The following RNF223 variants were observed in gnomAD, a reference collection of about 807,000 sequenced individuals.
The protein encoded by RNF223 is ring finger protein 223.
In RNF223, 10 loss-of-function variants were observed where a neutral mutation model predicts 13.9. The ratio of observed to expected loss-of-function variants is 0.72; its 90% CI spans 0.44 to 1.22. The LOEUF (loss-of-function observed/expected upper bound fraction) is 1.22. RNF223 is among the 50% of genes most tolerant of loss of function. RNF223 has a pLI of 0.00. For missense variants in RNF223, 379 were observed against 380.0 expected, an observed-to-expected ratio of 1.00 and a Z score of 0.02; for synonymous variants, 168 against 173.3, an observed-to-expected ratio of 0.97 and a Z score of 0.24.
chr1:1,073,501 A>G (rs1010106737), intron 1 of RNF223, among the ~76,000 whole-genome samples: 11 of 152,270 alleles, frequency 7.2e-5, no homozygotes, highest in South Asian at 2.1e-4. Context: ...CCCTGACCCA[A>G]TCCCACTTCA....
rs1429172120 is a variant in RNF223 at position 1,072,131 on chromosome 1, G to T, written c.436C>A (p.Pro146Thr). The part of the protein sequence containing the change: ...WLEGTKLCCQ[P>T]LPTTPGREPG... ...TCGCGGCCAGGTGTGGTGGGCAGTG[G>T]CTGGCAGCACAGCTTGGTGCCCTCC... The change falls in exon 2 of 2, where the codon CCA becomes ACA. Residue 146 changes from proline (P) to threonine (T), a missense_variant. Physicochemically the swap from Pro to Thr is conservative, Grantham distance 38. Coordinates refer to ENST00000453464, the MANE Select transcript of RNF223 (RefSeq NM_001205252.2). 1 of 1,517,498 alleles carries T rather than the reference G, an allele frequency of 6.6e-7. No individual in the cohort carries two copies. Among genetic ancestry groups the T allele is most frequent in the Non-Finnish European group, 8.8e-7 (1 of 1,139,724 alleles). The allele number at this position is 1,517,498 out of a possible 1,614,324, so 94.0% of individuals were successfully genotyped here.
At chr1:1,072,646 C>G in intron 1 of RNF223, 71 bp from the exon 2 acceptor site, 1 of 1,238,524 alleles carries the variant, frequency 8.1e-7, no homozygotes, top group Admixed American at 3.0e-5. Context: ...TCTCCCTCCC[C>G]TCTCTCGCCC....
intron 1 of RNF223, 102 bp from the exon 2 acceptor site, chr1:1,072,677 T>C (rs1157388991): frequency 3.0e-6 from 3 of 1,010,716 alleles, no homozygotes; most frequent in Admixed American, 3.2e-5. Flanking sequence ...AGGGAAGGAC[T>C]CTGTTTCCTG....
At chr1:1,073,301 G>A (rs1231450887) in intron 1 of RNF223, among the ~76,000 whole-genome samples, 3 of 152,236 alleles carry the variant, frequency 2.0e-5, no homozygotes, top group Non-Finnish European at 4.4e-5. Context: ...GTCAGTGCCC[G>A]AGGAAGGTGC....
intron 1 of RNF223, among the ~76,000 whole-genome samples, chr1:1,073,310 G>A (rs1297862342): frequency 6.6e-6 from 1 of 152,228 alleles, no homozygotes; most frequent in African/African-American, 2.4e-5. Flanking sequence ...CGAGGAAGGT[G>A]CACGTCAGGC....
In RNF223 at chr1:1,071,970, C is replaced by G; in HGVS notation, c.597G>C (p.Leu199=). 10 of 1,529,722 alleles carry G rather than the reference C, an allele frequency of 6.5e-6. No individual in the cohort carries two copies. The highest frequency in any genetic ancestry group is 8.7e-6 in the Non-Finnish European group (10 of 1,144,456). 94.8% of individuals were successfully genotyped at this position (1,529,722 alleles called of 1,614,324 possible). A position where few individuals can be genotyped will look rare whatever the true frequency, so the allele number is the denominator to read the frequency against. ...AGAGCATCAGCAGCAGGGCAGAGAC[C>G]AGTGCCATGCGCCTCCAGTCCCTGC... The part of the protein sequence containing the change: ...ARCRDWRRMA[L]VSALLLMLFC... The change falls in exon 2 of 2, where the codon CTG becomes CTC. Residue 199 remains leucine, a synonymous_variant. Transcript: ENST00000453464.
At chr1:1,072,644 C>A (rs1158076562) in intron 1 of RNF223, 69 bp from the exon 2 acceptor site, 3 of 1,238,380 alleles carry the variant, frequency 2.4e-6, no homozygotes, top group Non-Finnish European at 3.2e-6. Context: ...TCTCTCCCTC[C>A]CCTCTCTCGC....
rs1179983734 is a variant in RNF223, at chr1:1,071,759, T to C, written c.*58A>G. The C allele has an allele frequency of 7.4e-7, 1 of 1,360,176 alleles. No individual in the cohort carries two copies. The highest frequency in any genetic ancestry group is 9.6e-7 in the Non-Finnish European group (1 of 1,046,284). 84.3% of individuals were successfully genotyped at this position (1,360,176 alleles called of 1,614,324 possible). ...GCTGCTGTGCCCTTGGGCCCCCCAG[T>C]GGGGGACGCCCCATGGAGCTGGGCG... On this transcript the variant is annotated 3_prime_UTR_variant, in exon 2 of 2. Coordinates refer to ENST00000453464, the MANE Select transcript of RNF223 (RefSeq NM_001205252.2).
intron 1 of RNF223, among the ~76,000 whole-genome samples, chr1:1,072,845 A>T (rs1489770125): frequency 1.3e-5 from 2 of 152,102 alleles, no homozygotes; most frequent in Admixed American, 1.3e-4. Flanking sequence ...GGGGGGTCTC[A>T]CTGACCGCTC....
chr1:1,072,069 C>T lies in RNF223; in HGVS notation c.498G>A (p.Lys166=). The T allele has an allele frequency of 6.7e-7, 1 of 1,499,758 alleles. No individual in the cohort carries two copies. The highest frequency in any genetic ancestry group is 2.7e-5 in the East Asian group (1 of 37,618). 92.9% of individuals were successfully genotyped at this position (1,499,758 alleles called of 1,614,324 possible). ...GGGCGGGCGCGGGCGGCTCGGCAGG[C>T]TTGCTCAAACCCACGTCCACGCATA... ...GFVCVDVGLS[K]PAEPPAPARD... The change falls in exon 2 of 2, where the codon AAG becomes AAA. Residue 166 remains lysine (K), a synonymous_variant. Transcript: ENST00000453464.
chr1:1,072,206 G>C lies in RNF223; in HGVS notation c.361C>G (p.Leu121Val). 6.7e-7 allele frequency: 1 copy of C among 1,495,762 alleles called. No individual in the cohort carries two copies. The highest frequency in any genetic ancestry group is 1.3e-5 in the South Asian group (1 of 79,030). The allele number at this position is 1,495,762 out of a possible 1,614,324, so 92.7% of individuals were successfully genotyped here. The stretch of plus-strand genomic sequence containing the variant: ...AAATGCGCCGGCATCCGGGCCTGCA[G>C]CTGGCGGCTGGTGCACAGCGCGGGG... ...GAPALCTSRQLQARMPAHLRR... is the reference protein window; with the variant it reads ...GAPALCTSRQVQARMPAHLRR... Residue 121 changes from leucine (L) to valine (V), a missense_variant, in exon 2 of 2, where the codon CTG (leucine) becomes GTG (valine). Coordinates refer to ENST00000453464, the MANE Select transcript of RNF223 (RefSeq NM_001205252.2).
chr1:1,073,547 C>T (rs1182742745), intron 1 of RNF223, among the ~76,000 whole-genome samples: 1 of 152,218 alleles, frequency 6.6e-6, no homozygotes, highest in Non-Finnish European at 1.5e-5. Context: ...CTGGGGGATG[C>T]TGCTCTGCCC....
intron 1 of RNF223, among the ~76,000 whole-genome samples, chr1:1,073,720 G>A (rs1420598449): frequency 3.3e-5 from 5 of 152,090 alleles, no homozygotes; most frequent in East Asian, 1.9e-4. Flanking sequence ...GTGCGTCCCC[G>A]TGGGGCCCAG....
At chr1:1,073,171 G>A (rs566413697) in intron 1 of RNF223, among the ~76,000 whole-genome samples, 1 of 152,316 alleles carries the variant, frequency 6.6e-6, no homozygotes, top group Admixed American at 6.5e-5. Context: ...TGGCTTGGGC[G>A]GTGCAGGCCT....
intron 1 of RNF223, among the ~76,000 whole-genome samples, chr1:1,073,285 G>T (rs1645656121): frequency 6.6e-6 from 1 of 152,244 alleles, no homozygotes; most frequent in Admixed American, 6.5e-5. Flanking sequence ...CCAGGCAGGG[G>T]CAGGGGTCAG....
Position 1,071,841 on chromosome 1 carries a change from G to T in RNF223, c.726C>A (p.Pro242=), listed in dbSNP as rs368948809. ...RPPATSTAAS[P]LGPLTDN ...CCTAATTATCAGTCAGAGGCCCGAG[G>T]GGGGAGGCGGCTGTGCTGGTGGCCG... The change falls in exon 2 of 2, where the codon CCC becomes CCA. Residue 242 remains proline (P), a synonymous_variant. Coordinates refer to ENST00000453464, the MANE Select transcript of RNF223 (RefSeq NM_001205252.2). 5.4e-5 allele frequency: 82 copies of T among 1,522,038 alleles called. No individual in the cohort carries two copies. Among genetic ancestry groups the T allele is most frequent in the African/African-American group, 2.1e-4 (15 of 72,216 alleles). The allele number at this position is 1,522,038 out of a possible 1,614,324, so 94.3% of individuals were successfully genotyped here. A position where few individuals can be genotyped will look rare whatever the true frequency, so the allele number is the denominator to read the frequency against.
rs968562768 is a variant in RNF223 at position 1,072,376 on chromosome 1, G to A, written c.191C>T (p.Thr64Ile). Residue 64 changes from threonine (T) to isoleucine (I), a missense_variant, in exon 2 of 2, where the codon ACA becomes ATA. Thr to Ile is a moderately conservative substitution (Grantham distance 89, BLOSUM62 -1). Transcript: ENST00000453464. ...GTGGGTGCAGGAGAGCTCCTTGGGTGTCTTGAAGATGTTGTCATAGCCTGA... is the reference window on the plus strand; with the variant it reads ...GTGGGTGCAGGAGAGCTCCTTGGGTATCTTGAAGATGTTGTCATAGCCTGA... ...CFSGYDNIFK[T>I]PKELSCTHVF... The A allele has an allele frequency of 1.6e-5, 24 of 1,463,116 alleles. No individual in the cohort carries two copies. The highest frequency in any genetic ancestry group is 1.3e-4 in the Admixed American group (5 of 39,032). 90.6% of individuals were successfully genotyped at this position (1,463,116 alleles called of 1,614,324 possible). A position where few individuals can be genotyped will look rare whatever the true frequency, so the allele number is the denominator to read the frequency against.
At position 1,074,061 on chromosome 1, in the gene RNF223, G is replaced by A. The variant is rs75479766; in HGVS notation, c.-55C>T. 11,936 of 152,344 alleles carry A rather than the reference G, an allele frequency of 0.078. 641 individuals are homozygous for A. Among genetic ancestry groups the A allele is most frequent in the Non-Finnish European group, 0.12 (8,264 of 68,108 alleles). The allele number at this position is 152,344 out of a possible 1,614,324, so 9.4% of individuals were successfully genotyped here. A position where few individuals can be genotyped will look rare whatever the true frequency, so the allele number is the denominator to read the frequency against. ...GGCCTGGGCGTGGTCCTCCTCGCCGGCCACGGTTGGGCTCCAAGGCCCTGG... is the reference window on the plus strand; with the variant it reads ...GGCCTGGGCGTGGTCCTCCTCGCCGACCACGGTTGGGCTCCAAGGCCCTGG... On this transcript the variant is annotated 5_prime_UTR_variant, in exon 1 of 2. Coordinates refer to ENST00000453464, the MANE Select transcript of RNF223 (RefSeq NM_001205252.2).
rs905132447 is a variant in RNF223 at position 1,073,237 on chromosome 1, G to A, written c.-9-662C>T. Reference sequence around the variant, plus strand: ...GTGGGGGTCTCTGGGTCTGGGGACCGGGCTGAGCCCCGGGGGCTTTGGGAC... The same window carrying A: ...GTGGGGGTCTCTGGGTCTGGGGACCAGGCTGAGCCCCGGGGGCTTTGGGAC... On this transcript the variant is annotated intron_variant, in intron 1 of 1. Coordinates refer to ENST00000453464, the MANE Select transcript of RNF223 (RefSeq NM_001205252.2). 5.9e-5 allele frequency among the ~76,000 whole-genome samples: 9 copies of A among 152,366 alleles called. No individual in the cohort carries two copies. The South Asian group carries it at 8.3e-4, about 14-fold the overall frequency.
Sources: allele counts gnomAD v4.1 joint callset (sites outside exome capture counted in the v4.1 genomes callset), GRCh38; gene constraint gnomAD v4.1.1; transcripts MANE v1.5; gene names NCBI Gene and HGNC (gene_info 2026-07-23, HGNC 2026-07-21).